B3GALT5: variants seen among roughly 807,000 people sequenced by gnomAD.
B3GALT5 encodes beta-1,3-galactosyltransferase 5.
For missense variants in B3GALT5, 328 were observed against 396.6 expected, an observed-to-expected ratio of 0.83 and a Z score of 1.47; for synonymous variants, 156 against 158.6, an observed-to-expected ratio of 0.98 and a Z score of 0.12.
chr21:39,638,945 G>T (rs996363435), intron 1 of B3GALT5, among the ~76,000 whole-genome samples: 1 of 152,214 alleles, frequency 6.6e-6, no homozygotes, highest in African/African-American at 2.4e-5. Context: ...CGAGAAGTGA[G>T]CGATAGGTGG....
chr21:39,629,220 G>C (rs1395729437), intron 1 of B3GALT5, among the ~76,000 whole-genome samples: 1 of 152,142 alleles, frequency 6.6e-6, no homozygotes, highest in East Asian at 1.9e-4. Flanking sequence ...TCACCATGTT[G>C]GCCAGGCTGG....
chr21:39,616,363 C>A (rs933502933), intron 1 of B3GALT5, among the ~76,000 whole-genome samples: 1 of 152,050 alleles, frequency 6.6e-6, no homozygotes, highest in Non-Finnish European at 1.5e-5. Flanking sequence ...AATCTCGTTC[C>A]GTCTCCTTGT....
intron 2 of B3GALT5, among the ~76,000 whole-genome samples, chr21:39,654,270 T>C (rs554468433): frequency 9.8e-5 from 15 of 152,304 alleles, no homozygotes; most frequent in African/African-American, 3.1e-4. Flanking sequence ...TTTGTAGAGA[T>C]AGGGTTTTGC....
chr21:39,625,311 C>T (rs904700088), intron 1 of B3GALT5, among the ~76,000 whole-genome samples: 7 of 152,150 alleles, frequency 4.6e-5, no homozygotes, highest in African/African-American at 1.7e-4. Context: ...TGTGATCAGT[C>T]GTTCTGAGCC....
At position 39,670,741 on chromosome 21, in the gene B3GALT5, A is replaced by G. The variant is rs1156531786; in HGVS notation, c.*9249A>G. On this transcript the variant is annotated 3_prime_UTR_variant, in exon 4 of 4. Coordinates refer to ENST00000684187, the MANE Select transcript of B3GALT5 (RefSeq NM_001356336.2). ...TAAACAGTTCCAAAAGAAAAAAAAA[A>G]ACAGGCTTTGGTGACTCTCATGGGC... The G allele has an allele frequency of 6.6e-6, 1 of 152,216 alleles. No individual in the cohort carries two copies. The highest frequency in any genetic ancestry group is 2.4e-5 in the African/African-American group (1 of 41,458). 9.4% of individuals were successfully genotyped at this position (152,216 alleles called of 1,614,324 possible).
chr21:39,647,937 T>C (rs2079357114), intron 2 of B3GALT5, among the ~76,000 whole-genome samples: 1 of 152,228 alleles, frequency 6.6e-6, no homozygotes, highest in Non-Finnish European at 1.5e-5. Context: ...CGGAATTTTC[T>C]AATGTGGTTG....
chr21:39,639,363 C>CTTCTTTCT (rs2079261909), intron 1 of B3GALT5, among the ~76,000 whole-genome samples: 2 of 116,970 alleles, frequency 1.7e-5, no homozygotes, highest in African/African-American at 6.5e-5. Flanking sequence ...TCCTTCCTTC[C>CTTCTTTCT]TTCCTTCCTT....
chr21:39,657,781 C>A, intron 2 of B3GALT5: 1 of 1,061,090 alleles, frequency 9.4e-7, no homozygotes, highest in Non-Finnish European at 1.2e-6. Flanking sequence ...TTCGATCTCT[C>A]TAGAGAACCC....
chr21:39,661,789 G>A lies in B3GALT5; in HGVS notation c.*297G>A, dbSNP rs1216801989. The A allele has an allele frequency of 7.6e-6, 2 of 263,864 alleles. No homozygotes were observed. Among genetic ancestry groups the A allele is most frequent in the African/African-American group, 4.5e-5 (2 of 44,906 alleles). 16.3% of individuals were successfully genotyped at this position (263,864 alleles called of 1,614,324 possible). ...GGGTGTTACCATCCTAATTTTACAG[G>A]CAAGGACACAGCAGCTGCGAGAGGT... is the stretch of plus-strand genomic sequence containing the variant. On this transcript the variant is annotated 3_prime_UTR_variant, in exon 4 of 4. Transcript: ENST00000684187. The surrounding 1 kb of genome is among the most constrained non-coding windows in gnomAD (Gnocchi z 4.7).
intron 1 of B3GALT5, among the ~76,000 whole-genome samples, chr21:39,614,671 T>A (rs1186301506): frequency 1.3e-5 from 2 of 152,142 alleles, no homozygotes; most frequent in African/African-American, 4.8e-5. Context: ...GGTGTAGCCC[T>A]CCCTCCTCTG....
intron 2 of B3GALT5, among the ~76,000 whole-genome samples, chr21:39,656,641 C>T (rs550389248): frequency 2.7e-4 from 41 of 152,302 alleles, no homozygotes; most frequent in African/African-American, 9.1e-4. Flanking sequence ...ACTTTCCAGA[C>T]CCCCCCTTCA....
chr21:39,639,347 T>TTTTTTTCCTTCC (rs2079260072), intron 1 of B3GALT5, among the ~76,000 whole-genome samples: 22 of 66,786 alleles, frequency 3.3e-4, no homozygotes, highest in Admixed American at 3.6e-4. Context: ...TCTTTCTTTC[T>TTTTTTTCCTTCC]TTCCTTCCTT....
chr21:39,660,759 A>T lies in B3GALT5; in HGVS notation c.200A>T (p.His67Leu). The change falls in exon 4 of 4, where the codon CAC becomes CTC. Residue 67 changes from histidine to leucine, a missense_variant. By Grantham distance (99) the His-to-Leu change is moderately conservative. Transcript: ENST00000684187. Reference sequence around the variant, plus strand: ...CTCGTCCTGCTGGTGACCTCATCCCACAAACAGTTGGCTGAGCGCATGGCC... The same window carrying T: ...CTCGTCCTGCTGGTGACCTCATCCCTCAAACAGTTGGCTGAGCGCATGGCC... ...PFLVLLVTSS[H>L]KQLAERMAIR... is the part of the protein sequence containing the mutation. 1 of 1,553,276 alleles carries T rather than the reference A, an allele frequency of 6.4e-7. No individual in the cohort carries two copies. The highest frequency in any genetic ancestry group is 8.7e-7 in the Non-Finnish European group (1 of 1,149,524).
Position 39,649,972 on chromosome 21 carries a change from G to A in B3GALT5, c.-161+3350G>A, listed in dbSNP as rs556651537. ...AACTGGAGTCTCTGCCAGACCTCACGCACCACCCTGCTGTGTCAGATCCCA... is the reference window on the plus strand; with the variant it reads ...AACTGGAGTCTCTGCCAGACCTCACACACCACCCTGCTGTGTCAGATCCCA... On this transcript the variant is annotated intron_variant, in intron 2 of 3. Coordinates refer to ENST00000684187, the MANE Select transcript of B3GALT5 (RefSeq NM_001356336.2). Among the ~76,000 whole-genome samples, 6 of 152,264 alleles carry A rather than the reference G, an allele frequency of 3.9e-5. No homozygotes were observed. In the South Asian group the frequency reaches 8.3e-4, roughly 21 times the overall value.
intron 1 of B3GALT5, among the ~76,000 whole-genome samples, chr21:39,618,721 A>G (rs1352434533): frequency 6.6e-6 from 1 of 151,828 alleles, no homozygotes; most frequent in African/African-American, 2.4e-5. Flanking sequence ...GCAAATATCT[A>G]CTCCGTCTGT....
intron 2 of B3GALT5, among the ~76,000 whole-genome samples, chr21:39,651,997 A>T (rs745431895): frequency 9.2e-5 from 14 of 152,088 alleles, no homozygotes; most frequent in Non-Finnish European, 1.5e-4. Flanking sequence ...TGATGTAAGG[A>T]TGTTTGTTGT....
In B3GALT5 at chr21:39,669,410, G is replaced by A. The variant is rs1033005834; in HGVS notation, c.*7918G>A. ...GAAATCCCATGTCAGACATTCATTC[G>A]TTTATTTATTCATCTGTTGAGTGCT... On this transcript the variant is annotated 3_prime_UTR_variant, in exon 4 of 4. Transcript: ENST00000684187. 2.0e-5 allele frequency: 3 copies of A among 152,274 alleles called. No homozygotes were observed. Among genetic ancestry groups the A allele is most frequent in the South Asian group, 4.1e-4 (2 of 4,822 alleles). 9.4% of individuals were successfully genotyped at this position (152,274 alleles called of 1,614,324 possible). A position where few individuals can be genotyped will look rare whatever the true frequency, so the allele number is the denominator to read the frequency against.
chr21:39,660,594 G>A lies in B3GALT5; in HGVS notation c.35G>A (p.Cys12Tyr). The change falls in exon 4 of 4, where the codon TGC (cysteine) becomes TAC (tyrosine). Residue 12 changes from cysteine to tyrosine, a missense_variant. Cys to Tyr is a radical substitution (Grantham distance 194). Coordinates refer to ENST00000684187, the MANE Select transcript of B3GALT5 (RefSeq NM_001356336.2). Reference sequence around the variant, plus strand: ...CCGAAGATGAGATTGATGTATATTTGCCTTCTGGTTCTGGGGGCTCTTTGT... The same window carrying A: ...CCGAAGATGAGATTGATGTATATTTACCTTCTGGTTCTGGGGGCTCTTTGT... ...AFPKMRLMYI[C>Y]LLVLGALCLY... 6.9e-7 allele frequency: 1 copy of A among 1,443,054 alleles called. No individual in the cohort carries two copies. Among genetic ancestry groups the A allele is most frequent in the East Asian group, 2.4e-5 (1 of 41,456 alleles). 89.4% of individuals were successfully genotyped at this position (1,443,054 alleles called of 1,614,324 possible).
At chr21:39,636,156 G>A (rs918490106) in intron 1 of B3GALT5, among the ~76,000 whole-genome samples, 2 of 152,140 alleles carry the variant, frequency 1.3e-5, no homozygotes, top group African/African-American at 4.8e-5. Context: ...TTTAGAGCAG[G>A]GATGGTAGTA....
Sources: gnomAD v4.1 joint callset for allele counts (sites outside exome capture counted in the v4.1 genomes callset) on GRCh38, gnomAD v4.1.1 for gene constraint, Gnocchi (gnomAD v3.1) non-coding constraint, MANE v1.5 for transcripts, NCBI Gene and HGNC (gene_info 2026-07-23, HGNC 2026-07-21) for gene names.